HSDL1: variants seen among roughly 807,000 people sequenced by gnomAD.
The protein encoded by HSDL1 is hydroxysteroid dehydrogenase like 1, also known as inactive hydroxysteroid dehydrogenase-like protein 1.
HSDL1 carries 29 observed loss-of-function variants against 31.5 expected under a neutral mutation model. The observed-to-expected ratio is 0.92, with a 90% CI of 0.69 to 1.26. The LOEUF (loss-of-function observed/expected upper bound fraction) is 1.26. Among genes scored for constraint, HSDL1 ranks in the 50% most tolerant of loss-of-function variants. The pLI is 0.00. For missense variants in HSDL1, 503 were observed against 416.6 expected, an observed-to-expected ratio of 1.21 and a Z score of -1.81; for synonymous variants, 222 against 155.2, an observed-to-expected ratio of 1.43 and a Z score of -3.20.
chr16:84,143,979 T>C (rs911591292), intron 1 of HSDL1, among the ~76,000 whole-genome samples: 5 of 151,674 alleles, frequency 3.3e-5, no homozygotes, highest in South Asian at 2.1e-4. Context: ...GCAGGCACCA[T>C]TGCACTACAG....
Position 84,145,130 on chromosome 16 carries a change from G to C in HSDL1, c.-119C>G, listed in dbSNP as rs945637119. On this transcript the variant is annotated 5_prime_UTR_variant, in exon 1 of 6. Coordinates refer to ENST00000219439, the MANE Select transcript of HSDL1 (RefSeq NM_031463.5). ...CCGGTCCCGCCAGACCCGCGCGGCC[G>C]CCGCCCCCGTCTCGGCCGCCGGAGC... 1 of 189,196 alleles carries C rather than the reference G, an allele frequency of 5.3e-6. No homozygotes were observed. Among genetic ancestry groups the C allele is most frequent in the African/African-American group, 2.3e-5 (1 of 42,594 alleles). The allele number at this position is 189,196 out of a possible 1,614,324, so 11.7% of individuals were successfully genotyped here.
At chr16:84,141,838 T>C (rs74943645) in intron 1 of HSDL1, among the ~76,000 whole-genome samples, 6 of 152,210 alleles carry the variant, frequency 3.9e-5, no homozygotes, top group Non-Finnish European at 7.3e-5. Flanking sequence ...TCCTTTTTTT[T>C]CTCTCAGAAT....
chr16:84,131,523 ATCT>A lies in HSDL1; in HGVS notation c.-6-199_-6-197del, dbSNP rs762464662. On this transcript the variant is annotated intron_variant, in intron 2 of 5. Coordinates refer to ENST00000219439, the MANE Select transcript of HSDL1 (RefSeq NM_031463.5). ...TATCTATCTATCTATCTATCTATCT[ATCT>A]ATCTATCAGACAGAGTCTCACCCTG... is the stretch of plus-strand genomic sequence containing the variant. 9.9e-3 allele frequency among the ~76,000 whole-genome samples: 1,422 copies of A among 144,166 alleles called. 11 individuals are homozygous for A. Among genetic ancestry groups the A allele is most frequent in the Middle Eastern group, 0.021 (6 of 282 alleles). 94.6% of individuals were successfully genotyped at this position (144,166 alleles called of 152,430 possible). A position where few individuals can be genotyped will look rare whatever the true frequency, so the allele number is the denominator to read the frequency against.
At chr16:84,127,104 A>G (rs1211209325) in intron 5 of HSDL1, among the ~76,000 whole-genome samples, 1 of 152,156 alleles carries the variant, frequency 6.6e-6, no homozygotes, top group Non-Finnish European at 1.5e-5. Flanking sequence ...TTATTTCTAA[A>G]AAAATTTTAT....
chr16:84,131,252 C>G lies in HSDL1; in HGVS notation c.70G>C (p.Ala24Pro). ...IARSCNCYMEALALVGAWYTA... is the reference protein window; with the variant it reads ...IARSCNCYMEPLALVGAWYTA... Reference sequence around the variant, plus strand: ...TACCAGGCTCCAACCAAAGCTAGAGCTTCCATATAGCAATTGCAAGACCTG... The same window carrying G: ...TACCAGGCTCCAACCAAAGCTAGAGGTTCCATATAGCAATTGCAAGACCTG... The change falls in exon 3 of 6, where the codon GCT (alanine) becomes CCT (proline). Residue 24 changes from alanine to proline, a missense_variant. Coordinates refer to ENST00000219439, the MANE Select transcript of HSDL1 (RefSeq NM_031463.5). The G allele has an allele frequency of 6.2e-7, 1 of 1,614,142 alleles. No homozygotes were observed. The highest frequency in any genetic ancestry group is 8.5e-7 in the Non-Finnish European group (1 of 1,180,030).
At chr16:84,137,119 C>G (rs1056907615) in intron 1 of HSDL1, among the ~76,000 whole-genome samples, 3 of 152,202 alleles carry the variant, frequency 2.0e-5, no homozygotes, top group East Asian at 3.9e-4. Flanking sequence ...GGACTCCGTG[C>G]CACCCGGTAT....
chr16:84,125,204 C>A (rs1383370186), intron 5 of HSDL1: 1 of 154,440 alleles, frequency 6.5e-6, no homozygotes, highest in Non-Finnish European at 1.4e-5. Flanking sequence ...CCAATCACAA[C>A]AAATACCCAC....
intron 2 of HSDL1, among the ~76,000 whole-genome samples, chr16:84,133,773 C>A (rs896039800): frequency 1.3e-5 from 2 of 152,056 alleles, no homozygotes; most frequent in Admixed American, 1.3e-4. Flanking sequence ...AAAGTTGGGC[C>A]CCTTTATTCC....
In HSDL1 at chr16:84,124,347, T is replaced by A; in HGVS notation, c.*283A>T. 3.8e-6 allele frequency: 1 copy of A among 262,806 alleles called. No individual in the cohort carries two copies. The highest frequency in any genetic ancestry group is 7.6e-5 in the East Asian group (1 of 13,122). The allele number at this position is 262,806 out of a possible 1,614,324, so 16.3% of individuals were successfully genotyped here. On this transcript the variant is annotated 3_prime_UTR_variant, in exon 6 of 6. Coordinates refer to ENST00000219439, the MANE Select transcript of HSDL1 (RefSeq NM_031463.5). ...TTTCAATATTAGACTGCTGTGGCTC[T>A]AGAACAACAGAAAAGCGTAACTTTC... is the stretch of plus-strand genomic sequence containing the variant.
At chr16:84,129,462 C>G in intron 5 of HSDL1, 86 bp downstream of exon 5, 1 of 977,232 alleles carries the variant, frequency 1.0e-6, no homozygotes, top group Non-Finnish European at 1.6e-6. Flanking sequence ...CAATTCTCAT[C>G]TTAGGCTTTA....
chr16:84,143,575 G>A (rs1430746557), intron 1 of HSDL1, among the ~76,000 whole-genome samples: 1 of 152,118 alleles, frequency 6.6e-6, no homozygotes. Flanking sequence ...GTTATACACT[G>A]TAAAATGGCT....
In HSDL1 at chr16:84,131,250, A is replaced by G; in HGVS notation, c.72T>C (p.Ala24=). The G allele has an allele frequency of 6.2e-7, 1 of 1,614,190 alleles. No homozygotes were observed. The highest frequency in any genetic ancestry group is 8.5e-7 in the Non-Finnish European group (1 of 1,180,032). ...IARSCNCYME[A]LALVGAWYTA... Reference sequence around the variant, plus strand: ...TATACCAGGCTCCAACCAAAGCTAGAGCTTCCATATAGCAATTGCAAGACC... The same window carrying G: ...TATACCAGGCTCCAACCAAAGCTAGGGCTTCCATATAGCAATTGCAAGACC... The change falls in exon 3 of 6, where the codon GCT becomes GCC. Residue 24 remains alanine (A), a synonymous_variant. Transcript: ENST00000219439.
chr16:84,143,631 A>G (rs1447939011), intron 1 of HSDL1, among the ~76,000 whole-genome samples: 1 of 152,128 alleles, frequency 6.6e-6, no homozygotes, highest in Non-Finnish European at 1.5e-5. Flanking sequence ...CGATTTTTGA[A>G]AACCTACTTT....
At position 84,129,650 on chromosome 16, in the gene HSDL1, C is replaced by A; in HGVS notation, c.792G>T (p.Arg264Ser). The A allele has an allele frequency of 6.2e-7, 1 of 1,614,172 alleles. No homozygotes were observed. The change falls in exon 5 of 6, where the codon AGG (arginine) becomes AGT (serine). Residue 264 changes from arginine to serine, a missense_variant. Coordinates refer to ENST00000219439, the MANE Select transcript of HSDL1 (RefSeq NM_031463.5). ...TTGGCGAAGGCACCAACCACGAGCA[C>A]CTGTGCAGAAAGTTGCTGGGTGCTG... is the stretch of plus-strand genomic sequence containing the variant. ...SMTAPSNFLHRCSWLVPSPKV... is the reference protein window; with the variant it reads ...SMTAPSNFLHSCSWLVPSPKV...
Position 84,123,658 on chromosome 16 carries a change from A to G in HSDL1, c.*972T>C, listed in dbSNP as rs969298041. On this transcript the variant is annotated 3_prime_UTR_variant, in exon 6 of 6. Transcript: ENST00000219439. Reference sequence around the variant, plus strand: ...CCATAAATACTTACTATTTCTATCAATAATGCTACTGGAATGGAATAATAT... The same window carrying G: ...CCATAAATACTTACTATTTCTATCAGTAATGCTACTGGAATGGAATAATAT... 1.3e-5 allele frequency: 2 copies of G among 152,678 alleles called. No homozygotes were observed. The highest frequency in any genetic ancestry group is 6.5e-5 in the Admixed American group (1 of 15,290). 9.5% of individuals were successfully genotyped at this position (152,678 alleles called of 1,614,324 possible).
rs938922173 is a variant in HSDL1, at chr16:84,128,564, C to G, written c.894+984G>C. On this transcript the variant is annotated intron_variant, in intron 5 of 5. Transcript: ENST00000219439. ...GATAAAATGGTTGCATGAAATATAG[C>G]CCTATCTTGTGGTTTTGTGGTTTTT... is the stretch of plus-strand genomic sequence containing the variant. Among the ~76,000 whole-genome samples, 13 of 152,092 alleles carry G rather than the reference C, an allele frequency of 8.5e-5. No individual in the cohort carries two copies. The East Asian group carries it at 2.3e-3, about 27-fold the overall frequency.
At chr16:84,144,906 A>G (rs1485054136) in intron 1 of HSDL1, among the ~76,000 whole-genome samples, 174 bp downstream of exon 1, 1 of 131,272 alleles carries the variant, frequency 7.6e-6, no homozygotes, top group African/African-American at 2.9e-5. Context: ...TCCTGGGGTC[A>G]GGGGCGCCAA....
intron 2 of HSDL1, among the ~76,000 whole-genome samples, chr16:84,132,979 G>GAA (rs35217885): frequency 4.6e-4 from 60 of 131,218 alleles, no homozygotes; most frequent in South Asian, 1.2e-3. Context: ...CTTTAAAATA[G>GAA]AAAAAAAAAA....
intron 1 of HSDL1, among the ~76,000 whole-genome samples, chr16:84,136,893 CAAA>C (rs1281583544): frequency 2.0e-5 from 3 of 152,134 alleles, no homozygotes; most frequent in African/African-American, 7.2e-5. Flanking sequence ...CAGCTCAAGA[CAAA>C]GAAATCTGAC....
Sources: gnomAD v4.1 joint callset for allele counts (sites outside exome capture counted in the v4.1 genomes callset) on GRCh38, gnomAD v4.1.1 for gene constraint, MANE v1.5 for transcripts, NCBI Gene and HGNC (gene_info 2026-07-23, HGNC 2026-07-21) for gene names.